The following PIP4K2A variants were observed in gnomAD, a reference collection of about 807,000 sequenced individuals.
PIP4K2A encodes phosphatidylinositol-5-phosphate 4-kinase type 2 alpha.
PIP4K2A carries 14 observed loss-of-function variants against 42.9 expected under a neutral mutation model. That is an observed-to-expected ratio of 0.33 (90% CI 0.22 to 0.51). PIP4K2A has a LOEUF of 0.51. Among genes scored for constraint, PIP4K2A ranks in the 20% least tolerant of loss-of-function variants. The pLI is 0.97. For synonymous variants in PIP4K2A, 192 were observed against 192.2 expected (o/e 1.00, Z 0.01); for missense variants, 434 against 519.8 (o/e 0.83, Z 1.61).
chr10:22,696,898 A>G (rs192768929), intron 1 of PIP4K2A, among the ~76,000 whole-genome samples: 2 of 152,322 alleles, frequency 1.3e-5, no homozygotes, highest in East Asian at 3.9e-4. Context: ...TAAAAGAAAT[A>G]TATTATCCCA....
At chr10:22,539,928 A>AGAGAGAGAGAGAGAGAGAGG in intron 9 of PIP4K2A, 43 bp downstream of exon 9, 1 of 1,007,322 alleles carries the variant, frequency 9.9e-7, no homozygotes, top group African/African-American at 1.6e-5. Context: ...AGAGAGAGAG[A>AGAGAGAGAGAGAGAGAGAGG]GAGGGAGAGA....
At chr10:22,615,877 C>T (rs1279694145) in intron 1 of PIP4K2A, among the ~76,000 whole-genome samples, 2 of 152,154 alleles carry the variant, frequency 1.3e-5, no homozygotes, top group African/African-American at 2.4e-5. Flanking sequence ...AGAAATTCCC[C>T]GCCCCACACA....
intron 1 of PIP4K2A, among the ~76,000 whole-genome samples, chr10:22,703,892 T>G (rs1833761471): frequency 6.6e-6 from 1 of 152,108 alleles, no homozygotes; most frequent in Non-Finnish European, 1.5e-5. Flanking sequence ...GGTTGCTCCC[T>G]ACGTTTAAGC....
At chr10:22,630,547 A>G (rs1311177713) in intron 1 of PIP4K2A, among the ~76,000 whole-genome samples, 1 of 152,148 alleles carries the variant, frequency 6.6e-6, no homozygotes, top group African/African-American at 2.4e-5. Context: ...TACAACGAAA[A>G]CTGCTTTCCC....
intron 6 of PIP4K2A, among the ~76,000 whole-genome samples, chr10:22,556,479 T>C (rs1836552250): frequency 6.6e-6 from 1 of 152,214 alleles, no homozygotes; most frequent in Non-Finnish European, 1.5e-5. Context: ...AATAAAGAAT[T>C]TGAAATTTAT....
rs1021296427 is a variant in PIP4K2A, at chr10:22,700,339, C to T, written c.144+13844G>A. On this transcript the variant is annotated intron_variant, in intron 1 of 9. Coordinates refer to ENST00000376573, the MANE Select transcript of PIP4K2A (RefSeq NM_005028.5). Reference sequence around the variant, plus strand: ...GTATGTAGCAGCAGCAAAGACTGCACAACGGTGCATTTTCTAAAGCAGATT... The same window carrying T: ...GTATGTAGCAGCAGCAAAGACTGCATAACGGTGCATTTTCTAAAGCAGATT... 3.9e-5 allele frequency among the ~76,000 whole-genome samples: 6 copies of T among 152,348 alleles called. No individual in the cohort carries two copies. In the East Asian group the frequency reaches 1.2e-3, roughly 29 times the overall value.
chr10:22,619,713 A>T (rs541015917), intron 1 of PIP4K2A, among the ~76,000 whole-genome samples: 197 of 152,324 alleles, frequency 1.3e-3, no homozygotes, highest in Non-Finnish European at 2.3e-3. Context: ...CTGGGATTAC[A>T]GGCATGAGCC....
chr10:22,632,764 A>G (rs1838575265), intron 1 of PIP4K2A, among the ~76,000 whole-genome samples: 1 of 152,196 alleles, frequency 6.6e-6, no homozygotes, highest in Admixed American at 6.5e-5. Flanking sequence ...AATTATGGGG[A>G]AAAAAGGTAG....
chr10:22,588,794 C>A (rs1341661093), intron 4 of PIP4K2A, among the ~76,000 whole-genome samples: 1 of 152,054 alleles, frequency 6.6e-6, no homozygotes, highest in Admixed American at 6.5e-5. Flanking sequence ...TAAGACCCTA[C>A]AAATTATATT....
intron 1 of PIP4K2A, among the ~76,000 whole-genome samples, chr10:22,613,770 G>T (rs915137379): frequency 6.6e-6 from 1 of 152,160 alleles, no homozygotes; most frequent in African/African-American, 2.4e-5. Context: ...CCTCATTCTG[G>T]CAGAGCTCAA....
At chr10:22,709,548 G>A (rs1833879960) in intron 1 of PIP4K2A, among the ~76,000 whole-genome samples, 1 of 152,128 alleles carries the variant, frequency 6.6e-6, no homozygotes. Context: ...GCAGATTTTG[G>A]TGGTTTATTA....
chr10:22,566,518 A>G (rs1446189428), intron 6 of PIP4K2A, among the ~76,000 whole-genome samples: 1 of 152,092 alleles, frequency 6.6e-6, no homozygotes, highest in East Asian at 1.9e-4. Flanking sequence ...TCAGTTCTGT[A>G]GATTTGTCTT....
intron 9 of PIP4K2A, 106 bp downstream of exon 9, chr10:22,539,865 A>T: frequency 1.3e-6 from 1 of 761,174 alleles, no homozygotes; most frequent in East Asian, 2.4e-5. Context: ...TCCCTGAGTT[A>T]CAGGTCACAC....
chr10:22,596,622 A>G (rs1375653233), intron 3 of PIP4K2A, among the ~76,000 whole-genome samples: 1 of 152,236 alleles, frequency 6.6e-6, no homozygotes, highest in African/African-American at 2.4e-5. Context: ...TGCTTGGACA[A>G]GTTGGGAGGC....
Position 22,552,228 on chromosome 10 carries a change from C to A in PIP4K2A, c.679-1456G>T, listed in dbSNP as rs538724007. Among the ~76,000 whole-genome samples the A allele has an allele frequency of 4.2e-4, 64 of 151,916 alleles. 1 individual carries two copies. In the South Asian group the frequency reaches 0.013, roughly 31 times the overall value. On this transcript the variant is annotated intron_variant, in intron 6 of 9. Transcript: ENST00000376573. Reference sequence around the variant, plus strand: ...CTGTAAAGGAGTTTGTAATCTCGTACGGGAGAATGATATGAAAGCACGTAG... The same window carrying A: ...CTGTAAAGGAGTTTGTAATCTCGTAAGGGAGAATGATATGAAAGCACGTAG...
chr10:22,545,085 G>A (rs903676599), intron 7 of PIP4K2A, among the ~76,000 whole-genome samples: 6 of 152,238 alleles, frequency 3.9e-5, no homozygotes, highest in African/African-American at 1.2e-4. Flanking sequence ...GGCAGGCAGA[G>A]GGCTCGGGAA....
chr10:22,661,419 C>T (rs1177149107), intron 1 of PIP4K2A, among the ~76,000 whole-genome samples: 1 of 146,350 alleles, frequency 6.8e-6, no homozygotes, highest in East Asian at 2.0e-4. Flanking sequence ...TGCAGTAGCA[C>T]AGTCATAGCT....
At chr10:22,551,737 T>A (rs1836413774) in intron 6 of PIP4K2A, among the ~76,000 whole-genome samples, 1 of 152,198 alleles carries the variant, frequency 6.6e-6, no homozygotes, top group African/African-American at 2.4e-5. Flanking sequence ...GAACCTGGAA[T>A]GGTCCTCTTT....
intron 1 of PIP4K2A, among the ~76,000 whole-genome samples, chr10:22,630,347 T>G (rs1428982792): frequency 3.2e-5 from 4 of 124,604 alleles, no homozygotes; most frequent in Non-Finnish European, 6.0e-5. Context: ...ATGATCACCA[T>G]AACAGTTTAA....
Sources: gnomAD v4.1 joint callset for allele counts (sites outside exome capture counted in the v4.1 genomes callset) on GRCh38, gnomAD v4.1.1 for gene constraint, MANE v1.5 for transcripts, NCBI Gene and HGNC (gene_info 2026-07-23, HGNC 2026-07-21) for gene names.